The following MEX3B variants were observed in gnomAD, a reference collection of about 807,000 sequenced individuals.
MEX3B encodes the protein mex-3 RNA binding family member B, also known as RNA-binding protein MEX3B.
In MEX3B, 10 loss-of-function variants were observed where a neutral mutation model predicts 12.2. The ratio of observed to expected loss-of-function variants is 0.82; its 90% confidence interval spans 0.51 to 1.40. The LOEUF (loss-of-function observed/expected upper bound fraction) is 1.40. Among genes scored for constraint, MEX3B ranks in the 40% most tolerant of loss-of-function variants. MEX3B has a pLI of 0.00. For missense variants in MEX3B, 839 were observed against 801.4 expected (o/e 1.05, Z -0.57); for synonymous variants, 498 against 356.3 (o/e 1.40, Z -4.48).
intron 1 of MEX3B, 147 bp downstream of exon 1, chr15:82,045,303 T>A: frequency 1.0e-6 from 1 of 988,060 alleles, no homozygotes; most frequent in Non-Finnish European, 1.5e-6. Flanking sequence ...TTTCTTTGTC[T>A]GGGGCGCCGG....
chr15:82,043,468 C>G lies in MEX3B; in HGVS notation c.1402G>C (p.Gly468Arg). Residue 468 changes from glycine to arginine, a missense_variant, in exon 2 of 2, where the codon GGC becomes CGC. By Grantham distance (125) the Gly-to-Arg change is moderately radical. Transcript: ENST00000329713. ...RRVRSDPGGG[G>R]LAYAAYANGL... The stretch of plus-strand genomic sequence containing the variant: ...TTGGCATAAGCGGCGTAGGCCAGGC[C>G]TCCTCCACCCGGGTCGCTGCGCACC... The G allele has an allele frequency of 6.5e-7, 1 of 1,537,096 alleles. No individual in the cohort carries two copies. Among genetic ancestry groups the G allele is most frequent in the Non-Finnish European group, 8.8e-7 (1 of 1,141,216 alleles).
intron 1 of MEX3B, 35 bp downstream of exon 1, chr15:82,045,415 A>ACCCCCCCCCCCCCC: frequency 7.8e-6 from 12 of 1,530,512 alleles, no homozygotes; most frequent in Non-Finnish European, 1.1e-5. Context: ...ACCCTACACC[A>ACCCCCCCCCCCCCC]CCCCCACCCA....
Position 82,043,728 on chromosome 15 carries a change from T to G in MEX3B, c.1142A>C (p.Glu381Ala), listed in dbSNP as rs778351434. The G allele has an allele frequency of 8.9e-6, 14 of 1,578,316 alleles. No homozygotes were observed. The highest frequency in any genetic ancestry group is 9.4e-6 in the Non-Finnish European group (11 of 1,164,590). The change falls in exon 2 of 2, where the codon GAG becomes GCG. Residue 381 changes from glutamate (E) to alanine (A), a missense_variant. Physicochemically the swap from Glu to Ala is moderately radical, Grantham distance 107. Transcript: ENST00000329713. Reference sequence around the variant, plus strand: ...TGCAGGTCCGCCTCCCGGGGACCGCTCGAACTGGGCCCAGATAAGTGGTGC... The same window carrying G: ...TGCAGGTCCGCCTCCCGGGGACCGCGCGAACTGGGCCCAGATAAGTGGTGC... ...PGAPLIWAQF[E>A]RSPGGGPAAP...
chr15:82,045,235 GAAGA>G, intron 1 of MEX3B: 1 of 677,312 alleles, frequency 1.5e-6, no homozygotes, highest in Non-Finnish European at 2.6e-6. Context: ...GATTTTAGCA[GAAGA>G]AAGTGCATCC....
rs1596007123 is a variant in MEX3B, at chr15:82,044,832, C to T, written c.257-219G>A. Reference sequence around the variant, plus strand: ...AGGCGCTCGAGGAACAGCCCATTGGCTGCCTGGCCCTCCCCCAGTGACTGC... The same window carrying T: ...AGGCGCTCGAGGAACAGCCCATTGGTTGCCTGGCCCTCCCCCAGTGACTGC... On this transcript the variant is annotated intron_variant, in intron 1 of 1. Coordinates refer to ENST00000329713, the MANE Select transcript of MEX3B (RefSeq NM_032246.6). The surrounding 1 kb of genome is among the most constrained non-coding windows in gnomAD (Gnocchi z 5.3). The T allele has an allele frequency of 3.3e-6, 2 of 604,394 alleles. No individual in the cohort carries two copies. The highest frequency in any genetic ancestry group is 5.5e-5 in the East Asian group (2 of 36,140). The allele number at this position is 604,394 out of a possible 1,614,324, so 37.4% of individuals were successfully genotyped here. A position where few individuals can be genotyped will look rare whatever the true frequency, so the allele number is the denominator to read the frequency against.
In MEX3B at chr15:82,045,727, C is replaced by T; in HGVS notation, c.-22G>A. 2 of 1,321,942 alleles carry T rather than the reference C, an allele frequency of 1.5e-6. No homozygotes were observed. The highest frequency in any genetic ancestry group is 1.9e-6 in the Non-Finnish European group (2 of 1,043,446). The allele number at this position is 1,321,942 out of a possible 1,614,324, so 81.9% of individuals were successfully genotyped here. ...GCATCGCTCGGCCGTGCGCGCCGCGCCCCCGCCGGCCCTCGGCTCGGCGGC... is the reference window on the plus strand; with the variant it reads ...GCATCGCTCGGCCGTGCGCGCCGCGTCCCCGCCGGCCCTCGGCTCGGCGGC... On this transcript the variant is annotated 5_prime_UTR_variant, in exon 1 of 2. Coordinates refer to ENST00000329713, the MANE Select transcript of MEX3B (RefSeq NM_032246.6).
chr15:82,044,514 TCCTCCTTCCTG>T lies in MEX3B; in HGVS notation c.345_355del (p.Arg116CysfsTer24). The stretch of plus-strand genomic sequence containing the variant: ...GATCTCCCTCCGAGCCATGGCCACA[TCCTCCTTCCTG>T]CCCGTCACAACAAAGACAGGCTCCT... On this transcript the variant is annotated frameshift_variant, in exon 2 of 2. Transcript: ENST00000329713. LOFTEE classifies it low-confidence loss of function (END_TRUNC). The surrounding 1 kb of genome is among the most constrained non-coding windows in gnomAD (Gnocchi z 5.3). The T allele has an allele frequency of 6.2e-7, 1 of 1,614,126 alleles. No homozygotes were observed. Among genetic ancestry groups the T allele is most frequent in the Non-Finnish European group, 8.5e-7 (1 of 1,180,038 alleles).
In MEX3B at chr15:82,043,879, C is replaced by T. The variant is rs1415161574; in HGVS notation, c.991G>A (p.Gly331Arg). ...CCATTGCCGTTATTGTTATTGTTTC[C>T]GTTGTGCGCAAAGCTCAGGGCGGGG... is the stretch of plus-strand genomic sequence containing the variant. ...PSPALSFAHN[G>R]NNNNNGNGYT... The change falls in exon 2 of 2, where the codon GGA becomes AGA. Residue 331 changes from glycine (G) to arginine (R), a missense_variant. By Grantham distance (125) the Gly-to-Arg change is moderately radical (BLOSUM62 -2). Transcript: ENST00000329713. The T allele has an allele frequency of 1.9e-6, 3 of 1,588,792 alleles. No homozygotes were observed. Among genetic ancestry groups the T allele is most frequent in the Non-Finnish European group, 1.7e-6 (2 of 1,168,794 alleles).
Position 82,043,832 on chromosome 15 carries a change from T to TC in MEX3B, c.1037dup (p.Glu347ArgfsTer18). 2 of 1,590,776 alleles carry TC rather than the reference T, an allele frequency of 1.3e-6. No homozygotes were observed. The highest frequency in any genetic ancestry group is 8.6e-7 in the Non-Finnish European group (1 of 1,169,218). On this transcript the variant is annotated frameshift_variant, in exon 2 of 2. Coordinates refer to ENST00000329713, the MANE Select transcript of MEX3B (RefSeq NM_032246.6). LOFTEE classifies it low-confidence loss of function (END_TRUNC). ...CGTCGGGGGATGGCACTGAGGCTTC[T>TC]CCCCCCGCTGTGTAGGTGTACCCAT...
chr15:82,045,033 C>G (rs936941148), intron 1 of MEX3B: 1 of 591,612 alleles, frequency 1.7e-6, no homozygotes, highest in Non-Finnish European at 3.0e-6. Flanking sequence ...GTGTGAGTCC[C>G]GGGACCCATT....
rs964500642 is a variant in MEX3B, at chr15:82,043,343, C to A, written c.1527G>T (p.Gly509=). 3 of 1,597,980 alleles carry A rather than the reference C, an allele frequency of 1.9e-6. No homozygotes were observed. Among genetic ancestry groups the A allele is most frequent in the African/African-American group, 1.3e-5 (1 of 74,502 alleles). ...SSSSSSSSSS[G]LRRKGSRDCS... The stretch of plus-strand genomic sequence containing the variant: ...AGTCGCGGCTGCCTTTACGCCGAAG[C>A]CCGGAGGAAGAGGATGAAGAGCTGG... The change falls in exon 2 of 2, where the codon GGG becomes GGT. Residue 509 remains glycine (G), a synonymous_variant. Transcript: ENST00000329713.
Position 82,043,958 on chromosome 15 carries a change from C to T in MEX3B, c.912G>A (p.Gly304=), listed in dbSNP as rs756584954. The T allele has an allele frequency of 6.2e-7, 1 of 1,608,226 alleles. No homozygotes were observed. The highest frequency in any genetic ancestry group is 1.7e-5 in the Admixed American group (1 of 59,930). Residue 304 remains glycine, a synonymous_variant, in exon 2 of 2, where the codon GGG becomes GGA. Coordinates refer to ENST00000329713, the MANE Select transcript of MEX3B (RefSeq NM_032246.6). ...GGGTAGCCGCTGCGCTGCTGCTGGT[C>T]CCGCCGCCGAAATAAGAGTCTGTGG... The part of the protein sequence containing the change: ...SASTDSYFGG[G]TSSSAAATQR...
chr15:82,043,521 C>T lies in MEX3B; in HGVS notation c.1349G>A (p.Gly450Glu), dbSNP rs1342542663. 4 of 1,515,006 alleles carry T rather than the reference C, an allele frequency of 2.6e-6. No individual in the cohort carries two copies. Among genetic ancestry groups the T allele is most frequent in the Non-Finnish European group, 2.7e-6 (3 of 1,131,796 alleles). The allele number at this position is 1,515,006 out of a possible 1,614,324, so 93.8% of individuals were successfully genotyped here. A position where few individuals can be genotyped will look rare whatever the true frequency, so the allele number is the denominator to read the frequency against. Residue 450 changes from glycine (G) to glutamate (E), a missense_variant, in exon 2 of 2, where the codon GGG becomes GAG. Physicochemically the swap from Gly to Glu is moderately conservative, Grantham distance 98 (BLOSUM62 -2). Transcript: ENST00000329713. Reference protein sequence around the residue: ...RLSPPLHMAPGAGEHHLARRV... With the variant: ...RLSPPLHMAPEAGEHHLARRV... ...GCGAGCCAGGTGGTGCTCTCCCGCC[C>T]CCGGGGCCATGTGCAAGGGTGGAGA...
intron 1 of MEX3B, 169 bp downstream of exon 1, chr15:82,045,281 G>T: frequency 1.2e-6 from 1 of 834,370 alleles, no homozygotes; most frequent in Non-Finnish European, 2.0e-6. Flanking sequence ...CCGGGAGACA[G>T]CCTGCCTGCA....
In MEX3B at chr15:82,042,368, TAC is replaced by T. The variant is rs1459772588; in HGVS notation, c.*790_*791del. The T allele has an allele frequency of 1.0e-4, 16 of 152,622 alleles. No homozygotes were observed. Among genetic ancestry groups the T allele is most frequent in the African/African-American group, 2.4e-4 (10 of 41,436 alleles). 9.5% of individuals were successfully genotyped at this position (152,622 alleles called of 1,614,324 possible). A position where few individuals can be genotyped will look rare whatever the true frequency, so the allele number is the denominator to read the frequency against. On this transcript the variant is annotated 3_prime_UTR_variant, in exon 2 of 2. Coordinates refer to ENST00000329713, the MANE Select transcript of MEX3B (RefSeq NM_032246.6). ...CACAATTGTGTGATTATTAAAATAATACAGTGTTCTTTGCCATAAGGCCATAC... is the reference window on the plus strand; with the variant it reads ...CACAATTGTGTGATTATTAAAATAATAGTGTTCTTTGCCATAAGGCCATAC...
In MEX3B at chr15:82,044,698, G is replaced by T; in HGVS notation, c.257-85C>A. ...GGGGTAACCGCGGGGACCGGGGACAGCCCGCGTCCAGGACAGCGAGACGGC... is the reference window on the plus strand; with the variant it reads ...GGGGTAACCGCGGGGACCGGGGACATCCCGCGTCCAGGACAGCGAGACGGC... On this transcript the variant is annotated intron_variant, in intron 1 of 1. Coordinates refer to ENST00000329713, the MANE Select transcript of MEX3B (RefSeq NM_032246.6). The surrounding 1 kb of genome is among the most constrained non-coding windows in gnomAD (Gnocchi z 5.3). 1 of 1,366,290 alleles carries T rather than the reference G, an allele frequency of 7.3e-7. No homozygotes were observed. 84.6% of individuals were successfully genotyped at this position (1,366,290 alleles called of 1,614,324 possible).
Position 82,043,461 on chromosome 15 carries a change from G to A in MEX3B, c.1409C>T (p.Ala470Val), listed in dbSNP as rs763498375. 5.8e-6 allele frequency: 9 copies of A among 1,543,840 alleles called. No individual in the cohort carries two copies. Among genetic ancestry groups the A allele is most frequent in the South Asian group, 1.2e-5 (1 of 82,866 alleles). Residue 470 changes from alanine (A) to valine (V), a missense_variant, in exon 2 of 2, where the codon GCC becomes GTC. Physicochemically the swap from Ala to Val is moderately conservative, Grantham distance 64. Coordinates refer to ENST00000329713, the MANE Select transcript of MEX3B (RefSeq NM_032246.6). ...VRSDPGGGGL[A>V]YAAYANGLGA... is the part of the protein sequence containing the mutation. ...CAGCCCGTTGGCATAAGCGGCGTAG[G>A]CCAGGCCTCCTCCACCCGGGTCGCT...
Position 82,044,625 on chromosome 15 carries a change from G to C in MEX3B, c.257-12C>G, listed in dbSNP as rs1475884833. The C allele has an allele frequency of 3.1e-6, 5 of 1,613,902 alleles. No homozygotes were observed. The highest frequency in any genetic ancestry group is 4.2e-6 in the Non-Finnish European group (5 of 1,179,994). On this transcript the variant is annotated splice_polypyrimidine_tract_variant and intron_variant, in intron 1 of 1. Coordinates refer to ENST00000329713, the MANE Select transcript of MEX3B (RefSeq NM_032246.6). The surrounding 1 kb of genome is among the most constrained non-coding windows in gnomAD (Gnocchi z 5.3). ...TTTGATTTTACAACCTACGAACCAG[G>C]GTGCGGAGGAGGGAGTGGGAGAGAG...
Position 82,044,419 on chromosome 15 carries a change from C to G in MEX3B, c.451G>C (p.Val151Leu). ...CCGGGCAGGTTGGGCGGCCCAGGCA[C>G]CGCGCCGTTGAGTGCCGTGTTCTTA... ...RNKNTALNGA[V>L]PGPPNLPGQT... Residue 151 changes from valine (V) to leucine (L), a missense_variant, in exon 2 of 2, where the codon GTG becomes CTG. By Grantham distance (32) the Val-to-Leu change is conservative (BLOSUM62 1). Transcript: ENST00000329713. The surrounding 1 kb of genome is among the most constrained non-coding windows in gnomAD (Gnocchi z 5.3). 6.2e-7 allele frequency: 1 copy of G among 1,612,006 alleles called. No homozygotes were observed. Among genetic ancestry groups the G allele is most frequent in the Non-Finnish European group, 8.5e-7 (1 of 1,179,700 alleles).
Sources: gnomAD v4.1 joint callset for allele counts on GRCh38, gnomAD v4.1.1 for gene constraint, Gnocchi (gnomAD v3.1) non-coding constraint, MANE v1.5 for transcripts, NCBI Gene and HGNC (gene_info 2026-07-23, HGNC 2026-07-21) for gene names.